QPRT: variants seen among roughly 807,000 people sequenced by gnomAD.
QPRT encodes the protein quinolinate phosphoribosyltransferase, also known as nicotinate-nucleotide pyrophosphorylase [carboxylating].
Under a neutral mutation model 19.8 loss-of-function variants are expected in QPRT, and 17 were observed. The ratio of observed to expected loss-of-function variants is 0.86; its 90% CI spans 0.59 to 1.29. QPRT has a LOEUF of 1.29. Ranked by LOEUF, QPRT falls within the 50% of genes most tolerant of loss-of-function variation. The pLI, the probability that QPRT is intolerant of heterozygous loss-of-function variation, is 0.00. For synonymous variants in QPRT, 178 were observed against 191.0 expected (o/e 0.93, Z 0.56); for missense variants, 336 against 405.1 (o/e 0.83, Z 1.46).
chr16:29,695,319 C>T, intron 2 of QPRT, 120 bp downstream of exon 2: 1 of 1,159,834 alleles, frequency 8.6e-7, no homozygotes, highest in Non-Finnish European at 1.2e-6. Context: ...GTCAGCAACA[C>T]AAGACTCTTC....
chr16:29,695,323 ACT>A, intron 2 of QPRT, 124 bp downstream of exon 2: 1 of 1,110,548 alleles, frequency 9.0e-7, no homozygotes. Context: ...GCAACACAAG[ACT>A]CTTCCCACCT....
chr16:29,692,687 C>G (rs1019838859), intron 1 of QPRT, among the ~76,000 whole-genome samples: 1 of 152,156 alleles, frequency 6.6e-6, no homozygotes, highest in African/African-American at 2.4e-5. Context: ...ACGCCGAGAT[C>G]GCGCCTCTGC....
intron 1 of QPRT, among the ~76,000 whole-genome samples, chr16:29,679,623 C>G (rs1258402186): frequency 1.3e-5 from 2 of 152,004 alleles, no homozygotes; most frequent in Non-Finnish European, 2.9e-5. Context: ...GGGGAGGGGG[C>G]TTGAGTCCCG....
intron 1 of QPRT, 124 bp from the exon 2 acceptor site, chr16:29,694,540 G>A (rs897110851): frequency 1.9e-6 from 2 of 1,079,116 alleles, no homozygotes; most frequent in Admixed American, 2.9e-5. Flanking sequence ...CCCCCCCCTG[G>A]GACCCCTAGA....
chr16:29,689,615 TAGGAACCAGACCGGAAACCA>T (rs575120949), intron 1 of QPRT, among the ~76,000 whole-genome samples: 8 of 152,164 alleles, frequency 5.3e-5, no homozygotes, highest in Admixed American at 5.2e-4. Context: ...GCCTGGTGCC[TAGGAACCAGACCGGAAACCA>T]AGGAACCAGA....
At chr16:29,684,249 A>C (rs544405708) in intron 1 of QPRT, among the ~76,000 whole-genome samples, 1 of 152,158 alleles carries the variant, frequency 6.6e-6, no homozygotes, top group Non-Finnish European at 1.5e-5. Flanking sequence ...GCTGGCGAGT[A>C]GCTGGGACTA....
chr16:29,687,963 AAAAG>A (rs1376573776), intron 1 of QPRT, among the ~76,000 whole-genome samples: 4 of 152,098 alleles, frequency 2.6e-5, no homozygotes, highest in East Asian at 3.8e-4. Flanking sequence ...CTCTGTCTCA[AAAAG>A]AAAGAAAGAA....
chr16:29,696,759 C>G, intron 2 of QPRT: 1 of 448,892 alleles, frequency 2.2e-6, no homozygotes, highest in Middle Eastern at 5.8e-4. Flanking sequence ...CCAGCCTGGG[C>G]GACAGGTTGA....
chr16:29,693,627 C>T (rs908655286), intron 1 of QPRT, among the ~76,000 whole-genome samples: 7 of 151,922 alleles, frequency 4.6e-5, no homozygotes, highest in African/African-American at 1.7e-4. Context: ...TGCTCTGTCA[C>T]CCAGGCTGGA....
intron 1 of QPRT, among the ~76,000 whole-genome samples, chr16:29,687,284 G>A (rs578018414): frequency 1.1e-3 from 171 of 152,254 alleles, no homozygotes; most frequent in African/African-American, 3.7e-3. Flanking sequence ...CAAGTGCTTC[G>A]TATACTGAAC....
intron 1 of QPRT, among the ~76,000 whole-genome samples, chr16:29,682,200 A>C (rs1967026686): frequency 7.2e-6 from 1 of 137,992 alleles, no homozygotes; most frequent in Non-Finnish European, 1.5e-5. Context: ...TGGCTAATTA[A>C]AATAAATTTT....
chr16:29,688,293 G>C (rs959277875), intron 1 of QPRT, among the ~76,000 whole-genome samples: 1 of 152,048 alleles, frequency 6.6e-6, no homozygotes, highest in Non-Finnish European at 1.5e-5. Context: ...ACAGCGCCTG[G>C]GGGAGAGTGG....
rs772394969 is a variant in QPRT, at chr16:29,697,155, G to T, written c.681+28G>T. 6.3e-7 allele frequency: 1 copy of T among 1,599,020 alleles called. No individual in the cohort carries two copies. The highest frequency in any genetic ancestry group is 2.2e-5 in the East Asian group (1 of 44,472). ...AAGGTGGGCTCTGCCTCCGGGGAGGGATCTGTGGTGGGCTCTTACCTCCCC... is the reference window on the plus strand; with the variant it reads ...AAGGTGGGCTCTGCCTCCGGGGAGGTATCTGTGGTGGGCTCTTACCTCCCC... On this transcript the variant is annotated intron_variant, in intron 3 of 3. Coordinates refer to ENST00000395384, the MANE Select transcript of QPRT (RefSeq NM_014298.6). The surrounding 1 kb of genome is among the most constrained non-coding windows in gnomAD (Gnocchi z 4.4).
At chr16:29,695,343 T>G in intron 2 of QPRT, 144 bp downstream of exon 2, 3 of 982,464 alleles carry the variant, frequency 3.1e-6, no homozygotes, top group Non-Finnish European at 4.4e-6. Flanking sequence ...CCTCAGCTCC[T>G]CCATCTGAGC....
At position 29,697,574 on chromosome 16, in the gene QPRT, G is replaced by A; in HGVS notation, c.*163G>A. ...GCTGCTCCTGTGACCTGTCAGGGCT[G>A]ACTTCACCTCTGCTCATCTCAGTTT... On this transcript the variant is annotated 3_prime_UTR_variant, in exon 4 of 4. Coordinates refer to ENST00000395384, the MANE Select transcript of QPRT (RefSeq NM_014298.6). The surrounding 1 kb of genome is among the most constrained non-coding windows in gnomAD (Gnocchi z 4.4). The A allele has an allele frequency of 2.9e-6, 2 of 692,742 alleles. No individual in the cohort carries two copies. The highest frequency in any genetic ancestry group is 4.8e-6 in the Non-Finnish European group (2 of 421,010). 42.9% of individuals were successfully genotyped at this position (692,742 alleles called of 1,614,324 possible). A position where few individuals can be genotyped will look rare whatever the true frequency, so the allele number is the denominator to read the frequency against.
chr16:29,679,688 C>A (rs188221157), intron 1 of QPRT, among the ~76,000 whole-genome samples: 23 of 152,236 alleles, frequency 1.5e-4, no homozygotes, highest in Middle Eastern at 3.4e-3. Flanking sequence ...TCAGTCCCAA[C>A]CCCCAACCAT....
At position 29,697,506 on chromosome 16, in the gene QPRT, C is replaced by T; in HGVS notation, c.*95C>T. 1 of 1,287,788 alleles carries T rather than the reference C, an allele frequency of 7.8e-7. No individual in the cohort carries two copies. The highest frequency in any genetic ancestry group is 1.1e-6 in the Non-Finnish European group (1 of 940,914). The allele number at this position is 1,287,788 out of a possible 1,614,324, so 79.8% of individuals were successfully genotyped here. ...TCTTTAGGGTCAGTGGCCAATGGGGCACATTTGGCACTAGCTTGAGCCCAA... is the reference window on the plus strand; with the variant it reads ...TCTTTAGGGTCAGTGGCCAATGGGGTACATTTGGCACTAGCTTGAGCCCAA... On this transcript the variant is annotated 3_prime_UTR_variant, in exon 4 of 4. Coordinates refer to ENST00000395384, the MANE Select transcript of QPRT (RefSeq NM_014298.6). This position sits in a 1 kb window ranked among gnomAD's most constrained non-coding sequence, Gnocchi z 4.4.
chr16:29,696,809 A>G (rs750332171), intron 2 of QPRT, 187 bp from the exon 3 acceptor site: 168 of 635,942 alleles, frequency 2.6e-4, no homozygotes, highest in Admixed American at 4.3e-4. Context: ...AAACAACCCC[A>G]AAGTCTGGTT....
chr16:29,697,113 A>C lies in QPRT; in HGVS notation c.667A>C (p.Asn223His), dbSNP rs1567333796. The C allele has an allele frequency of 6.2e-7, 1 of 1,608,412 alleles. No homozygotes were observed. Among genetic ancestry groups the C allele is most frequent in the Non-Finnish European group, 8.5e-7 (1 of 1,176,330 alleles). Residue 223 changes from asparagine (N) to histidine (H), a missense_variant, in exon 3 of 4, where the codon AAC (asparagine) becomes CAC (histidine). By Grantham distance (68) the Asn-to-His change is moderately conservative (BLOSUM62 1). Coordinates refer to ENST00000395384, the MANE Select transcript of QPRT (RefSeq NM_014298.6). The surrounding 1 kb of genome is among the most constrained non-coding windows in gnomAD (Gnocchi z 4.4). ...TGGTGCCGACCTTGTCCTGCTGGAC[A>C]ACTTCAAGCCAGAGGTAAGGTGGGC... ...EAGADLVLLD[N>H]FKPEELHPTA... is the part of the protein sequence containing the mutation.
Sources: allele counts gnomAD v4.1 joint callset (sites outside exome capture counted in the v4.1 genomes callset), GRCh38; gene constraint gnomAD v4.1.1; non-coding constraint Gnocchi (gnomAD v3.1); transcripts MANE v1.5; gene names NCBI Gene and HGNC (gene_info 2026-07-23, HGNC 2026-07-21).